The following MACF1 variants were observed in gnomAD, a reference collection of about 807,000 sequenced individuals.
The protein encoded by MACF1 is microtubule actin crosslinking factor 1.
A neutral mutation model predicts 854.8 loss-of-function variants in MACF1; 193 were observed. The ratio of observed to expected loss-of-function variants is 0.23; its 90% CI spans 0.20 to 0.25. The LOEUF (loss-of-function observed/expected upper bound fraction) is 0.25. MACF1 is among the 10% of genes least tolerant of loss of function. The pLI, the probability that MACF1 is intolerant of heterozygous loss-of-function variation, is 1.00. For missense variants in MACF1, 7,722 were observed against 8,929.1 expected (o/e 0.86, Z 5.45); for synonymous variants, 3,185 against 3,226.7 (o/e 0.99, Z 0.44).
At chr1:39,261,561 A>G (rs1443562896) in intron 6 of MACF1, among the ~76,000 whole-genome samples, 1 of 152,194 alleles carries the variant, frequency 6.6e-6, no homozygotes, top group Non-Finnish European at 1.5e-5. Context: ...CCTATGATAG[A>G]TGGTCTTTTG....
chr1:39,385,670 A>C lies in MACF1; in HGVS notation c.14085A>C (p.Leu4695Phe). The C allele has an allele frequency of 6.2e-7, 1 of 1,614,202 alleles. No individual in the cohort carries two copies. Among genetic ancestry groups the C allele is most frequent in the Non-Finnish European group, 8.5e-7 (1 of 1,180,040 alleles). The change falls in exon 57 of 101, where the codon TTA (leucine) becomes TTC (phenylalanine). Residue 4695 changes from leucine to phenylalanine, a missense_variant. Physicochemically the swap from Leu to Phe is conservative, Grantham distance 22. Around this residue, in one of 15 missense-constraint regions of MACF1, gnomAD observed 2,807 missense variants for 3,235.8 expected, o/e 0.87. Transcript: ENST00000564288. The stretch of plus-strand genomic sequence containing the variant: ...AGTACCAGGAACTGCTCCAGGACTT[A>C]TCAGAGAAGGTGAGGGCAGTTGGAC... ...STQYQELLQD[L>F]SEKVRAVGQR...
Position 39,334,791 on chromosome 1 carries a change from T to C in MACF1, c.8203T>C (p.Phe2735Leu). 6.2e-7 allele frequency: 1 copy of C among 1,614,156 alleles called. No homozygotes were observed. The highest frequency in any genetic ancestry group is 8.5e-7 in the Non-Finnish European group (1 of 1,179,988). Residue 2735 changes from phenylalanine to leucine, a missense_variant, in exon 37 of 101, where the codon TTT becomes CTT. By Grantham distance (22) the Phe-to-Leu change is conservative. Transcript: ENST00000564288. ...GTTAAATGGAGGAATTGTTGACATA[T>C]TTAGTGATCAGAGAGTGACTTTAGT... is the stretch of plus-strand genomic sequence containing the variant. ...QVLNGGIVDIFSDQRVTLVEA... is the reference protein window; with the variant it reads ...QVLNGGIVDILSDQRVTLVEA...
At position 39,439,816 on chromosome 1, in the gene MACF1, G is replaced by C. The variant is rs1019897629; in HGVS notation, c.18447+316G>C. Among the ~76,000 whole-genome samples, 5 of 152,036 alleles carry C rather than the reference G, an allele frequency of 3.3e-5. No individual in the cohort carries two copies. In the East Asian group the frequency reaches 9.7e-4, roughly 29 times the overall value. ...AGACAGGGTTTCCCCATGTTGACCA[G>C]AGTGGTTCTGAACTCCTGACCTCAG... On this transcript the variant is annotated intron_variant, in intron 72 of 100. Coordinates refer to ENST00000564288, the MANE Select transcript of MACF1 (RefSeq NM_001394062.1).
At chr1:39,344,413 CAG>C (rs763054582) in intron 40 of MACF1, among the ~76,000 whole-genome samples, 5 of 145,564 alleles carry the variant, frequency 3.4e-5, no homozygotes, top group Non-Finnish European at 6.0e-5. Flanking sequence ...GCCTGGGTGA[CAG>C]AGCGCGACTC....
intron 1 of MACF1, among the ~76,000 whole-genome samples, chr1:39,209,937 A>G (rs1644496381): frequency 6.6e-6 from 1 of 152,040 alleles, no homozygotes; most frequent in South Asian, 2.1e-4. Flanking sequence ...AAAAAATAAA[A>G]AAATTAGCTG....
intron 57 of MACF1, 52 bp downstream of exon 57, chr1:39,385,981 G>C: frequency 6.5e-7 from 1 of 1,543,184 alleles, no homozygotes; most frequent in East Asian, 2.3e-5. Flanking sequence ...CAAGCAGAAA[G>C]AAGGAATGGG....
chr1:39,251,540 T>C (rs968900901), intron 3 of MACF1, among the ~76,000 whole-genome samples: 1 of 152,246 alleles, frequency 6.6e-6, no homozygotes, highest in Non-Finnish European at 1.5e-5. Flanking sequence ...ATATCATCTC[T>C]TCACCAAAAA....
intron 47 of MACF1, among the ~76,000 whole-genome samples, chr1:39,359,543 T>C (rs1008235918): frequency 1.1e-4 from 16 of 152,288 alleles, no homozygotes; most frequent in African/African-American, 3.8e-4. Flanking sequence ...ACCACTTACA[T>C]TGTATTACCC....
intron 1 of MACF1, among the ~76,000 whole-genome samples, chr1:39,210,829 C>T (rs181463655): frequency 6.6e-6 from 1 of 152,248 alleles, no homozygotes; most frequent in Non-Finnish European, 1.5e-5. Flanking sequence ...GGCTGAGTGA[C>T]ATTAGTTTAT....
At chr1:39,455,904 T>C (rs936085739) in intron 89 of MACF1, among the ~76,000 whole-genome samples, 4 of 152,268 alleles carry the variant, frequency 2.6e-5, no homozygotes, top group African/African-American at 9.6e-5. Context: ...TGATTAGTTA[T>C]ACTGTAGACT....
At position 39,380,372 on chromosome 1, in the gene MACF1, C is replaced by G. The variant is rs963848478; in HGVS notation, c.13647C>G (p.Leu4549=). 6.2e-7 allele frequency: 1 copy of G among 1,612,130 alleles called. No homozygotes were observed. The highest frequency in any genetic ancestry group is 8.5e-7 in the Non-Finnish European group (1 of 1,179,340). The change falls in exon 55 of 101, where the codon CTC becomes CTG. Residue 4549 remains leucine (L), a splice_region_variant and synonymous_variant. Coordinates refer to ENST00000564288, the MANE Select transcript of MACF1 (RefSeq NM_001394062.1). ...AENWKKIQEE[L]NSRWERATEV... ...ATTGGAAGAAAATTCAGGAAGAACT[C>G]AGTAAGTTTTCACAAGAGTGTTACA...
chr1:39,462,763 A>C (rs1417521978), intron 93 of MACF1, among the ~76,000 whole-genome samples: 1 of 152,196 alleles, frequency 6.6e-6, no homozygotes, highest in African/African-American at 2.4e-5. Flanking sequence ...AATGTTTAAA[A>C]TGGTGTATAC....
At chr1:39,113,265 G>A (rs116366821) in intron 2 of MACF1, among the ~76,000 whole-genome samples, 58 of 152,114 alleles carry the variant, frequency 3.8e-4, no homozygotes, top group African/African-American at 1.3e-3. Flanking sequence ...GTAGAATATA[G>A]TGCACACAGT....
intron 58 of MACF1, among the ~76,000 whole-genome samples, chr1:39,407,118 A>G (rs1259055563): frequency 2.0e-5 from 3 of 152,186 alleles, no homozygotes; most frequent in African/African-American, 7.2e-5. Flanking sequence ...CTGCCAAGTG[A>G]TTGCTTGAAT....
intron 49 of MACF1, among the ~76,000 whole-genome samples, chr1:39,366,082 G>A (rs1648683211): frequency 6.6e-6 from 1 of 152,296 alleles, no homozygotes; most frequent in East Asian, 1.9e-4. Flanking sequence ...GTGGTAGAGA[G>A]CTAGTCCTCC....
At chr1:39,240,164 C>G (rs1644906164) in intron 2 of MACF1, among the ~76,000 whole-genome samples, 1 of 152,238 alleles carries the variant, frequency 6.6e-6, no homozygotes, top group Non-Finnish European at 1.5e-5. Flanking sequence ...AGTCAATTCA[C>G]TGGCTCCCTA....
intron 2 of MACF1, among the ~76,000 whole-genome samples, chr1:39,233,808 T>TTTTTTTTTTTTTTTTTTTG (rs755591226): frequency 1.5e-5 from 1 of 65,772 alleles, no homozygotes; most frequent in Non-Finnish European, 3.3e-5. Flanking sequence ...ATTTATTTTT[T>TTTTTTTTTTTTTTTTTTTG]ATTGATAATT....
At chr1:39,243,834 A>G (rs145683537) in intron 2 of MACF1, among the ~76,000 whole-genome samples, 36 of 152,230 alleles carry the variant, frequency 2.4e-4, no homozygotes, top group African/African-American at 7.9e-4. Flanking sequence ...CAGCCTGGCA[A>G]TTTAGTAGAT....
chr1:39,187,866 G>GTCTC, intron 2 of MACF1, among the ~76,000 whole-genome samples: 1 of 124,554 alleles, frequency 8.0e-6, no homozygotes. Flanking sequence ...CTCTCTCTCT[G>GTCTC]TCTCTCTCTC....
Sources: allele counts gnomAD v4.1 joint callset (sites outside exome capture counted in the v4.1 genomes callset), GRCh38; gene constraint gnomAD v4.1.1; regional missense constraint gnomAD v4.1.1; transcripts MANE v1.5; gene names NCBI Gene and HGNC (gene_info 2026-07-23, HGNC 2026-07-21).